ZSCAN5C: variants seen among roughly 807,000 people sequenced by gnomAD.
ZSCAN5C encodes the protein zinc finger and SCAN domain containing 5C.
ZSCAN5C carries 11 observed loss-of-function variants against 17.3 expected under a neutral mutation model. That is an observed-to-expected ratio of 0.64 (90% CI 0.40 to 1.06). The LOEUF is 1.06. ZSCAN5C is among the 50% of genes least tolerant of loss of function. The pLI is 0.00. For missense variants in ZSCAN5C, 698 were observed against 538.9 expected (o/e 1.30, Z -2.92); for synonymous variants, 229 against 208.4 (o/e 1.10, Z -0.85).
exon 5 of ZSCAN5C, chr19:56,208,618 C>G (rs182258045): frequency 6.2e-7 from 1 of 1,606,558 alleles, no homozygotes; most frequent in South Asian, 1.1e-5. Context: ...GCAAACCAGA[C>G]GCCACCTCCA....
intron 3 of ZSCAN5C, among the ~76,000 whole-genome samples, chr19:56,207,672 C>A (rs528308476): frequency 6.6e-6 from 1 of 151,928 alleles, no homozygotes; most frequent in East Asian, 1.9e-4. Flanking sequence ...CCTTTCCGGA[C>A]ACATGGCCAT....
At chr19:56,208,550 G>A (rs1313253515) in exon 5 of ZSCAN5C, 1 of 1,590,142 alleles carries the variant, frequency 6.3e-7, no homozygotes, top group African/African-American at 1.4e-5. Context: ...GGAGAGAGAA[G>A]CTTCGACTCA....
chr19:56,205,484 C>T (rs996720616), intron 1 of ZSCAN5C, among the ~76,000 whole-genome samples: 2 of 151,966 alleles, frequency 1.3e-5, no homozygotes, highest in Admixed American at 6.5e-5. Context: ...AGATTTTAGG[C>T]GCTTCACATT....
In ZSCAN5C at chr19:56,205,784, C is replaced by G; in HGVS notation, c.-127-3C>G. 2 of 582,702 alleles carry G rather than the reference C, an allele frequency of 3.4e-6. No homozygotes were observed. The highest frequency in any genetic ancestry group is 3.1e-6 in the Non-Finnish European group (1 of 327,856). The allele number at this position is 582,702 out of a possible 1,614,324, so 36.1% of individuals were successfully genotyped here. ...ACAGAGCTCATGCTTTTTTTCCCTG[C>G]AGACTTCTGAATGAACAGTGAATCT... is the stretch of plus-strand genomic sequence containing the variant. On this transcript the variant is annotated splice_polypyrimidine_tract_variant and splice_region_variant and intron_variant, in intron 1 of 4. Transcript: ENST00000534327.
intron 2 of ZSCAN5C, among the ~76,000 whole-genome samples, chr19:56,206,797 C>CCTAAGTTCTAATACCAGGTGAGCT (rs71184334): frequency 6.6e-6 from 1 of 151,402 alleles, no homozygotes; most frequent in South Asian, 2.1e-4. Flanking sequence ...CACATGAGCC[C>CCTAAGTTCTAATACCAGGTGAGCT]GCCATCAGCC....
intron 1 of ZSCAN5C, among the ~76,000 whole-genome samples, chr19:56,204,768 C>T (rs547465304): frequency 2.8e-4 from 41 of 148,396 alleles, no homozygotes; most frequent in Admixed American, 4.0e-4. Context: ...CCAAGACCCT[C>T]CTGCCAGTTT....
intron 2 of ZSCAN5C, among the ~76,000 whole-genome samples, chr19:56,206,670 C>T (rs1337887847): frequency 2.4e-4 from 36 of 150,738 alleles, no homozygotes; most frequent in African/African-American, 7.7e-4. Context: ...AAATATTAGG[C>T]CTGATGGAAT....
chr19:56,207,212 A>C lies in ZSCAN5C; in HGVS notation c.538A>C (p.Ser180Arg), dbSNP rs765574024. The C allele has an allele frequency of 2.6e-5, 20 of 778,778 alleles. 1 individual carries two copies. Among genetic ancestry groups the C allele is most frequent in the Admixed American group, 8.5e-5 (5 of 58,726 alleles). 48.2% of individuals were successfully genotyped at this position (778,778 alleles called of 1,614,324 possible). The change falls in exon 3 of 5, where the codon AGC becomes CGC. Residue 180 changes from serine (S) to arginine (R), a missense_variant. Coordinates refer to ENST00000534327, the Ensembl canonical transcript of ZSCAN5C. ...GATGTGTCCGGAGGAAGGCCAGGCC[A>C]GCCAAGAGCTGCAGACCCTGCCCAG... is the stretch of plus-strand genomic sequence containing the variant.
Position 56,208,185 on chromosome 19 carries a change from G to A in ZSCAN5C, c.739+1G>A, listed in dbSNP as rs1037224963. On this transcript the variant is annotated splice_donor_variant, in intron 4 of 4. Coordinates refer to ENST00000534327, the Ensembl canonical transcript of ZSCAN5C. LOFTEE classifies it high-confidence loss of function. ...GAGCCTCAGCTTCCAAACAGTCCCA[G>A]TAAGTATGAAGACTTACACCTGTGT... The A allele has an allele frequency of 5.1e-6, 4 of 778,504 alleles. No individual in the cohort carries two copies. Among genetic ancestry groups the A allele is most frequent in the Admixed American group, 1.7e-5 (1 of 58,840 alleles). The allele number at this position is 778,504 out of a possible 1,614,324, so 48.2% of individuals were successfully genotyped here.
exon 5 of ZSCAN5C, chr19:56,208,945 C>T: frequency 6.2e-7 from 1 of 1,613,616 alleles, no homozygotes; most frequent in Non-Finnish European, 8.5e-7. Flanking sequence ...AGAGGCCCTA[C>T]ACGTGTGACA....
At chr19:56,205,435 T>C (rs540305088) in intron 1 of ZSCAN5C, among the ~76,000 whole-genome samples, 1 of 152,110 alleles carries the variant, frequency 6.6e-6, no homozygotes, top group South Asian at 2.1e-4. Context: ...GATCTTATCT[T>C]GATAAGAAAA....
At chr19:56,207,200 G>A (rs1397299677) in exon 3 of ZSCAN5C, 2 of 778,342 alleles carry the variant, frequency 2.6e-6, no homozygotes, top group Non-Finnish European at 4.8e-6. Flanking sequence ...GTGTCCGGAG[G>A]AAGGCCAGGC....
intron 1 of ZSCAN5C, among the ~76,000 whole-genome samples, chr19:56,205,549 C>A (rs1317750012): frequency 6.6e-6 from 1 of 151,858 alleles, no homozygotes; most frequent in African/African-American, 2.4e-5. Context: ...GCAGGAAAAC[C>A]AATTCAGCCT....
exon 5 of ZSCAN5C, chr19:56,209,170 G>A: frequency 9.6e-7 from 1 of 1,043,332 alleles, no homozygotes; most frequent in Non-Finnish European, 1.5e-6. Context: ...GACGCCACCA[G>A]AAAACACATC....
At position 56,206,401 on chromosome 19, in the gene ZSCAN5C, C is replaced by G. The variant is rs556364182; in HGVS notation, c.384+104C>G. 8.4e-6 allele frequency: 12 copies of G among 1,431,040 alleles called. 1 individual carries two copies. In the African/African-American group the frequency reaches 1.5e-4, roughly 18 times the overall value. The allele number at this position is 1,431,040 out of a possible 1,614,324, so 88.6% of individuals were successfully genotyped here. A position where few individuals can be genotyped will look rare whatever the true frequency, so the allele number is the denominator to read the frequency against. The stretch of plus-strand genomic sequence containing the variant: ...CCCGAGGGGCTGCTCTAGGTCAGGG[C>G]TTCCAAGTAGAGGAGAGTTTGCCCA... On this transcript the variant is annotated intron_variant, in intron 2 of 4. Coordinates refer to ENST00000534327, the Ensembl canonical transcript of ZSCAN5C.
At chr19:56,209,249 T>G (rs772958978), downstream of ZSCAN5C, 17 of 634,870 alleles carry the variant, frequency 2.7e-5, no homozygotes, top group Non-Finnish European at 2.8e-6. Context: ...GAATGAAGAT[T>G]TTTCACCGAT....
At chr19:56,204,254 T>A (rs2032898948) in intron 1 of ZSCAN5C, among the ~76,000 whole-genome samples, 1 of 150,646 alleles carries the variant, frequency 6.6e-6, no homozygotes, top group Non-Finnish European at 1.5e-5. Flanking sequence ...TGCCGGCTCA[T>A]GCAGTTGTTG....
At chr19:56,205,984 A>G (rs10419548) in exon 2 of ZSCAN5C, 552,043 of 1,570,432 alleles carry the variant, frequency 0.35, 101,097 homozygotes, top group African/African-American at 0.56. Context: ...GAGCCACCAC[A>G]GTCCATGCCA....
Position 56,207,921 on chromosome 19 carries a change from A to T in ZSCAN5C, c.589-113A>T. 17 of 611,596 alleles carry T rather than the reference A, an allele frequency of 2.8e-5. No individual in the cohort carries two copies. The South Asian group carries it at 3.3e-4, about 12-fold the overall frequency. The allele number at this position is 611,596 out of a possible 1,614,324, so 37.9% of individuals were successfully genotyped here. The stretch of plus-strand genomic sequence containing the variant: ...TATGCCCAGAGAACCAAACAGTGAA[A>T]ACCACCACACCTGTGTCATTAGAAG... On this transcript the variant is annotated intron_variant, in intron 3 of 4. Coordinates refer to ENST00000534327, the Ensembl canonical transcript of ZSCAN5C.
Sources: gnomAD v4.1 joint callset for allele counts (sites outside exome capture counted in the v4.1 genomes callset) on GRCh38, gnomAD v4.1.1 for gene constraint, MANE v1.5 for transcripts, NCBI Gene and HGNC (gene_info 2026-07-23, HGNC 2026-07-21) for gene names.